Variants in WDR76 observed in about 807,000 individuals in gnomAD.
WDR76 encodes WD repeat domain 76.
WDR76 carries 52 observed loss-of-function variants against 70.2 expected under a neutral mutation model. The observed-to-expected ratio is 0.74, with a 90% CI of 0.59 to 0.93. The LOEUF is 0.93. Among genes scored for constraint, WDR76 ranks in the 40% least tolerant of loss-of-function variants. WDR76 has a pLI of 0.00. For synonymous variants in WDR76, 292 were observed against 271.1 expected, an observed-to-expected ratio of 1.08 and a Z score of -0.76; for missense variants, 756 against 760.2, an observed-to-expected ratio of 0.99 and a Z score of 0.07.
chr15:43,834,466 A>G (rs78839609), intron 2 of WDR76, among the ~76,000 whole-genome samples: 2 of 84,670 alleles, frequency 2.4e-5, no homozygotes, highest in East Asian at 8.4e-4. Context: ...ATACCTGGCT[A>G]ATTTTTTTTT....
intron 2 of WDR76, among the ~76,000 whole-genome samples, chr15:43,831,059 C>G (rs2141721434): frequency 6.8e-6 from 1 of 147,228 alleles, no homozygotes; most frequent in African/African-American, 2.5e-5. Context: ...ACTTCCCCAC[C>G]AAAAAAAAAG....
intron 2 of WDR76, among the ~76,000 whole-genome samples, chr15:43,834,018 T>C (rs929940740): frequency 1.3e-5 from 2 of 152,248 alleles, no homozygotes; most frequent in Non-Finnish European, 2.9e-5. Context: ...ATTGGACCTC[T>C]AAGACTGAGT....
chr15:43,839,080 A>T (rs184417413), intron 4 of WDR76, among the ~76,000 whole-genome samples: 2 of 152,330 alleles, frequency 1.3e-5, no homozygotes, highest in Admixed American at 1.3e-4. Context: ...AAAATAGTGC[A>T]TAAAAAAATA....
intron 8 of WDR76, among the ~76,000 whole-genome samples, chr15:43,848,114 A>G (rs931353821): frequency 2.6e-5 from 4 of 151,978 alleles, no homozygotes; most frequent in Admixed American, 6.6e-5. Context: ...GGTGTGTGCC[A>G]TTAGTCCCAG....
intron 12 of WDR76, among the ~76,000 whole-genome samples, chr15:43,865,101 TA>T (rs1299204468): frequency 2.6e-5 from 4 of 151,394 alleles, no homozygotes; most frequent in Admixed American, 1.3e-4. Flanking sequence ...TTTGTATTTT[TA>T]TTTTTTTTTT....
chr15:43,856,602 TC>T (rs1277248235), intron 9 of WDR76, among the ~76,000 whole-genome samples: 1 of 151,224 alleles, frequency 6.6e-6, no homozygotes, highest in African/African-American at 2.4e-5. Context: ...TTGTTTTGTT[TC>T]TTTTTTTTTT....
intron 10 of WDR76, chr15:43,857,588 G>A (rs977072733): frequency 3.0e-5 from 28 of 939,692 alleles, no homozygotes; most frequent in Non-Finnish European, 3.3e-5. Flanking sequence ...GGGAGGCTGA[G>A]GCAGGCAGAT....
In WDR76 at chr15:43,855,589, CTTAA is replaced by C. The variant is rs377294005; in HGVS notation, c.1192-1354_1192-1351del. Among the ~76,000 whole-genome samples, 107 of 152,310 alleles carry C rather than the reference CTTAA, an allele frequency of 7.0e-4. No homozygotes were observed. In the East Asian group the frequency reaches 0.019, roughly 28 times the overall value. On this transcript the variant is annotated intron_variant, in intron 9 of 12. Transcript: ENST00000263795. ...ACAATAAGAATTGTGGTCATCCCCT[CTTAA>C]TTGACAGGAAGATTTATTTTTTATT...
At position 43,856,982 on chromosome 15, in the gene WDR76, G is replaced by A. The variant is rs762152495; in HGVS notation, c.1228G>A (p.Asp410Asn). Residue 410 changes from aspartate to asparagine, a missense_variant, in exon 10 of 13, where the codon GAC becomes AAC. Physicochemically the swap from Asp to Asn is conservative, Grantham distance 23. Coordinates refer to ENST00000263795, the MANE Select transcript of WDR76 (RefSeq NM_024908.4). ...TGAAAGAAGTAGCTTTTCCTCCTTC[G>A]ACTTCTTGGCAGAAGATGCCTCCAC... is the stretch of plus-strand genomic sequence containing the variant. ...RNERSSFSSF[D>N]FLAEDASTLI... is the part of the protein sequence containing the mutation. 7 of 1,613,972 alleles carry A rather than the reference G, an allele frequency of 4.3e-6. No individual in the cohort carries two copies. The Admixed American group carries it at 5.0e-5, about 12-fold the overall frequency.
chr15:43,862,146 G>T (rs370186734), intron 12 of WDR76, among the ~76,000 whole-genome samples: 11 of 151,620 alleles, frequency 7.3e-5, no homozygotes, highest in African/African-American at 2.7e-4. Context: ...TTGTATGTGT[G>T]TATTTTACAT....
intron 9 of WDR76, among the ~76,000 whole-genome samples, chr15:43,852,059 C>A (rs1367954307): frequency 6.6e-6 from 1 of 152,096 alleles, no homozygotes; most frequent in East Asian, 1.9e-4. Flanking sequence ...AGAGTGAGAC[C>A]CTCTCTCAAA....
chr15:43,835,141 G>T lies in WDR76; in HGVS notation c.543G>T (p.Gln181His). The T allele has an allele frequency of 6.2e-7, 1 of 1,614,048 alleles. No homozygotes were observed. The highest frequency in any genetic ancestry group is 1.1e-5 in the South Asian group (1 of 91,080). ...ACGCAGACTTTTTTGCTTCTCTTCA[G>T]TTGTCTGAGGTTTGTGTGGAGTCTA... The part of the protein sequence containing the change: ...SENADFFASL[Q>H]LSESAARLRE... Residue 181 changes from glutamine to histidine, a missense_variant, in exon 3 of 13, where the codon CAG becomes CAT. Gln to His is a conservative substitution (Grantham distance 24). Transcript: ENST00000263795.
intron 9 of WDR76, 110 bp from the exon 10 acceptor site, chr15:43,856,836 A>T: frequency 1.1e-6 from 1 of 890,516 alleles, no homozygotes; most frequent in South Asian, 1.8e-5. Context: ...GAGAGGATAA[A>T]TGAGGTTATT....
chr15:43,829,081 T>C (rs2087555114), intron 2 of WDR76, among the ~76,000 whole-genome samples: 1 of 151,972 alleles, frequency 6.6e-6, no homozygotes, highest in Admixed American at 6.6e-5. Flanking sequence ...TTTGTGTTTT[T>C]AGTAGAGACG....
chr15:43,843,212 G>C (rs895461927), intron 7 of WDR76, among the ~76,000 whole-genome samples: 1 of 151,826 alleles, frequency 6.6e-6, no homozygotes, highest in Non-Finnish European at 1.5e-5. Flanking sequence ...GTAGAGATGA[G>C]ATTTTGCTGT....
intron 2 of WDR76, among the ~76,000 whole-genome samples, chr15:43,829,730 T>G (rs985755950): frequency 3.3e-5 from 5 of 151,280 alleles, no homozygotes; most frequent in Admixed American, 1.3e-4. Flanking sequence ...ATGGTCTCGA[T>G]CTCCTGACCT....
chr15:43,861,471 A>G (rs1231891614), intron 12 of WDR76, 85 bp downstream of exon 12: 5 of 1,278,832 alleles, frequency 3.9e-6, no homozygotes, highest in Non-Finnish European at 2.3e-6. Flanking sequence ...CTGATTGTCA[A>G]AGAGATGTAA....
intron 10 of WDR76, among the ~76,000 whole-genome samples, chr15:43,858,176 C>T (rs2087953350): frequency 6.6e-6 from 1 of 151,908 alleles, no homozygotes; most frequent in Admixed American, 6.6e-5. Flanking sequence ...TGTGATCCAC[C>T]CGCCTTGGCC....
At chr15:43,839,472 G>A in intron 4 of WDR76, 133 bp from the exon 5 acceptor site, 1 of 906,534 alleles carries the variant, frequency 1.1e-6, no homozygotes, top group South Asian at 3.1e-5. Context: ...GATAATTGTG[G>A]CCATGTATAT....
Sources: gnomAD v4.1 joint callset for allele counts (sites outside exome capture counted in the v4.1 genomes callset) on GRCh38, gnomAD v4.1.1 for gene constraint, MANE v1.5 for transcripts, NCBI Gene and HGNC (gene_info 2026-07-23, HGNC 2026-07-21) for gene names.